The following KIAA1671 variants were observed in gnomAD, a reference collection of about 807,000 sequenced individuals.
KIAA1671 encodes the protein uncharacterized protein KIAA1671.
A neutral mutation model predicts 131.2 loss-of-function variants in KIAA1671; 52 were observed. The ratio of observed to expected loss-of-function variants is 0.40; its 90% CI spans 0.32 to 0.50. The LOEUF is 0.50. KIAA1671 is among the 20% of genes least tolerant of loss of function. The pLI, the probability that KIAA1671 is intolerant of heterozygous loss-of-function variation, is 0.73. For synonymous variants in KIAA1671, 1,003 were observed against 961.6 expected (o/e 1.04, Z -0.80); for missense variants, 2,360 against 2,364.2 (o/e 1.00, Z 0.04).
intron 7 of KIAA1671, among the ~76,000 whole-genome samples, chr22:25,172,001 G>T (rs1933865709): frequency 6.6e-6 from 1 of 152,174 alleles, no homozygotes; most frequent in African/African-American, 2.4e-5. Context: ...GAGGGTGATA[G>T]AATTGAAAAT....
intron 6 of KIAA1671, among the ~76,000 whole-genome samples, chr22:25,155,264 T>A (rs557176854): frequency 6.6e-6 from 1 of 152,238 alleles, no homozygotes; most frequent in Non-Finnish European, 1.5e-5. Flanking sequence ...AGCTATAGTT[T>A]AGGTATCAGG....
intron 6 of KIAA1671, among the ~76,000 whole-genome samples, chr22:25,150,796 C>T (rs1229719706): frequency 1.3e-5 from 2 of 149,342 alleles, no homozygotes; most frequent in African/African-American, 2.5e-5. Context: ...ATAATGTGTG[C>T]GTAACTGTGT....
intron 6 of KIAA1671, among the ~76,000 whole-genome samples, chr22:25,129,399 C>T (rs1160917112): frequency 1.3e-5 from 2 of 151,718 alleles, no homozygotes; most frequent in East Asian, 3.9e-4. Flanking sequence ...ACCAGCTACT[C>T]GGAAGGCTGA....
At chr22:25,003,313 ACTTAT>A (rs1924572084) in intron 1 of KIAA1671, among the ~76,000 whole-genome samples, 1 of 152,098 alleles carries the variant, frequency 6.6e-6, no homozygotes, top group Admixed American at 6.6e-5. Flanking sequence ...AAACACAAAT[ACTTAT>A]CTTGTTATTA....
Position 25,194,453 on chromosome 22 carries a change from C to T in KIAA1671, c.*2052C>T, listed in dbSNP as rs1382279783. The T allele has an allele frequency of 6.6e-6, 1 of 152,084 alleles. No homozygotes were observed. The highest frequency in any genetic ancestry group is 1.5e-5 in the Non-Finnish European group (1 of 68,042). The allele number at this position is 152,084 out of a possible 1,614,324, so 9.4% of individuals were successfully genotyped here. On this transcript the variant is annotated 3_prime_UTR_variant, in exon 13 of 13. Transcript: ENST00000358431. ...CTCTTTCCTTCAGGTGGAAAGGACCCCTTGGTACCATCTCAAGCAGTAGGA... is the reference window on the plus strand; with the variant it reads ...CTCTTTCCTTCAGGTGGAAAGGACCTCTTGGTACCATCTCAAGCAGTAGGA...
At position 24,979,749 on chromosome 22, in the gene KIAA1671, G is replaced by A. The variant is rs182283136; in HGVS notation, c.-208+26977G>A. Among the ~76,000 whole-genome samples, 35 of 152,182 alleles carry A rather than the reference G, an allele frequency of 2.3e-4. 2 individuals carry two copies. Among genetic ancestry groups the A allele is most frequent in the African/African-American group, 8.2e-4 (34 of 41,528 alleles). On this transcript the variant is annotated intron_variant, in intron 1 of 12. Coordinates refer to ENST00000358431, the MANE Select transcript of KIAA1671 (RefSeq NM_001145206.2). The stretch of plus-strand genomic sequence containing the variant: ...CTCCAGAACTCTCTCCGTCCTCCCA[G>A]ACTGAAACTCTTCTACTCATGAACA...
intron 1 of KIAA1671, among the ~76,000 whole-genome samples, chr22:24,973,424 A>G (rs1922743524): frequency 2.9e-5 from 3 of 102,540 alleles, no homozygotes; most frequent in Admixed American, 1.5e-4. Context: ...TTTGAGACGG[A>G]GTCTCGCTGT....
At chr22:25,136,485 T>C (rs1932680105) in intron 6 of KIAA1671, among the ~76,000 whole-genome samples, 1 of 152,198 alleles carries the variant, frequency 6.6e-6, no homozygotes, top group Non-Finnish European at 1.5e-5. Context: ...ATTCAGAGCT[T>C]GGCATCACGC....
Position 25,196,528 on chromosome 22 carries a change from G to A in KIAA1671, c.*4127G>A, listed in dbSNP as rs1021147208. On this transcript the variant is annotated 3_prime_UTR_variant, in exon 13 of 13. Coordinates refer to ENST00000358431, the MANE Select transcript of KIAA1671 (RefSeq NM_001145206.2). Reference sequence around the variant, plus strand: ...TAGCTCACTCCAGCCTCCAACTCCTGGGCTCAAGCAATCCTCTCATCTCCA... The same window carrying A: ...TAGCTCACTCCAGCCTCCAACTCCTAGGCTCAAGCAATCCTCTCATCTCCA... The A allele has an allele frequency of 3.3e-5, 5 of 151,932 alleles. No homozygotes were observed. In the East Asian group the frequency reaches 9.7e-4, roughly 29 times the overall value. 9.4% of individuals were successfully genotyped at this position (151,932 alleles called of 1,614,324 possible).
chr22:25,148,433 G>A (rs1446503594), intron 6 of KIAA1671, among the ~76,000 whole-genome samples: 2 of 152,190 alleles, frequency 1.3e-5, no homozygotes, highest in Admixed American at 1.3e-4. Context: ...TGAGTAAGGA[G>A]AGTGTGCTCC....
intron 1 of KIAA1671, among the ~76,000 whole-genome samples, chr22:24,989,544 C>CT: frequency 6.6e-6 from 1 of 152,222 alleles, no homozygotes; most frequent in South Asian, 2.1e-4. Flanking sequence ...TGCATGGTCT[C>CT]TAAGATGAAA....
intron 1 of KIAA1671, among the ~76,000 whole-genome samples, chr22:24,988,619 C>T (rs1036430414): frequency 1.3e-5 from 2 of 151,636 alleles, no homozygotes; most frequent in African/African-American, 4.9e-5. Context: ...GCCTGTAATC[C>T]CAGCTACTTG....
At chr22:24,997,299 G>A (rs957993026) in intron 1 of KIAA1671, among the ~76,000 whole-genome samples, 1 of 152,120 alleles carries the variant, frequency 6.6e-6, no homozygotes, top group Non-Finnish European at 1.5e-5. Context: ...TATCTAATTA[G>A]GGACCCATGC....
At chr22:25,159,760 C>G (rs775183305) in intron 6 of KIAA1671, among the ~76,000 whole-genome samples, 25 of 152,270 alleles carry the variant, frequency 1.6e-4, no homozygotes, top group Non-Finnish European at 3.1e-4. Context: ...CTGGTCTGCT[C>G]GGTCATAGAG....
Position 25,195,100 on chromosome 22 carries a change from C to T in KIAA1671, c.*2699C>T, listed in dbSNP as rs1934782326. 6.6e-6 allele frequency: 1 copy of T among 152,226 alleles called. No individual in the cohort carries two copies. The highest frequency in any genetic ancestry group is 2.4e-5 in the African/African-American group (1 of 41,450). The allele number at this position is 152,226 out of a possible 1,614,324, so 9.4% of individuals were successfully genotyped here. Reference sequence around the variant, plus strand: ...CGCTCCTCAATCTAACCCTCCTCCCCTGGGGCTTTGGCTGTCCTCAATGAG... The same window carrying T: ...CGCTCCTCAATCTAACCCTCCTCCCTTGGGGCTTTGGCTGTCCTCAATGAG... On this transcript the variant is annotated 3_prime_UTR_variant, in exon 13 of 13. Transcript: ENST00000358431.
Position 24,990,086 on chromosome 22 carries a change from ATTTTTTAT to A in KIAA1671, c.-207-35531_-207-35524del, listed in dbSNP as rs540837988. Among the ~76,000 whole-genome samples the A allele has an allele frequency of 3.1e-3, 471 of 152,054 alleles. 1 individual carries two copies. Among genetic ancestry groups the A allele is most frequent in the African/African-American group, 0.01 (435 of 41,500 alleles). On this transcript the variant is annotated intron_variant, in intron 1 of 12. Coordinates refer to ENST00000358431, the MANE Select transcript of KIAA1671 (RefSeq NM_001145206.2). ...CAATGAAATTTTGGCAAGGTGATTTATTTTTTATTTTTTTATTTTTTTAGACAGAGTCT... is the reference window on the plus strand; with the variant it reads ...CAATGAAATTTTGGCAAGGTGATTTATTTTTTATTTTTTTAGACAGAGTCT...
chr22:24,960,654 C>CTTTTTTTTTTTT (rs34901740), intron 1 of KIAA1671, among the ~76,000 whole-genome samples: 5 of 71,540 alleles, frequency 7.0e-5, no homozygotes, highest in Non-Finnish European at 1.2e-4. Flanking sequence ...TTTTCAGGTT[C>CTTTTTTTTTTTT]TTTTTTTTTT....
intron 5 of KIAA1671, among the ~76,000 whole-genome samples, chr22:25,047,733 G>A (rs1326958880): frequency 8.5e-5 from 13 of 152,104 alleles, no homozygotes; most frequent in African/African-American, 2.7e-4. Flanking sequence ...TCGGCCTCCC[G>A]AAGTGGTGGG....
intron 1 of KIAA1671, among the ~76,000 whole-genome samples, chr22:24,965,442 A>G (rs1334795679): frequency 1.3e-5 from 2 of 151,388 alleles, no homozygotes; most frequent in African/African-American, 4.8e-5. Flanking sequence ...GACCTCCCCC[A>G]TAAAAAGATG....
Sources: allele counts gnomAD v4.1 joint callset (sites outside exome capture counted in the v4.1 genomes callset), GRCh38; gene constraint gnomAD v4.1.1; transcripts MANE v1.5; gene names NCBI Gene and HGNC (gene_info 2026-07-23, HGNC 2026-07-21).